TMEM135: variants seen among roughly 807,000 people sequenced by gnomAD.
The protein encoded by TMEM135 is transmembrane protein 135.
TMEM135 carries 30 observed loss-of-function variants against 60.3 expected under a neutral mutation model. The observed-to-expected ratio is 0.50, with a 90% confidence interval of 0.37 to 0.68. The LOEUF (loss-of-function observed/expected upper bound fraction) is 0.68, where lower values mean the gene tolerates loss of function less well. TMEM135 is among the 30% of genes least tolerant of loss of function. The probability of loss-of-function intolerance (pLI) is 0.00; values close to 1 mark genes in which losing one functional copy is unlikely to be tolerated. For missense variants in TMEM135, 468 were observed against 548.8 expected (o/e 0.85, Z 1.47); for synonymous variants, 190 against 186.7 (o/e 1.02, Z -0.14).
intron 5 of TMEM135, among the ~76,000 whole-genome samples, chr11:87,185,574 A>C (rs768988687): frequency 6.6e-6 from 1 of 152,142 alleles, no homozygotes; most frequent in African/African-American, 2.4e-5. Context: ...AGAGACACAT[A>C]ATATCTGGTT....
intron 6 of TMEM135, among the ~76,000 whole-genome samples, chr11:87,251,335 G>T (rs1006968693): frequency 6.6e-6 from 1 of 152,108 alleles, no homozygotes; most frequent in Non-Finnish European, 1.5e-5. Context: ...AGTAGGAAAG[G>T]AGTCAGTAAA....
intron 4 of TMEM135, among the ~76,000 whole-genome samples, chr11:87,141,061 T>C (rs1274887119): frequency 1.3e-5 from 2 of 151,984 alleles, no homozygotes; most frequent in South Asian, 2.1e-4. Flanking sequence ...TTTTTTAACA[T>C]TGTTATGACT....
chr11:87,269,455 A>G (rs542358973), intron 6 of TMEM135, among the ~76,000 whole-genome samples: 4 of 151,906 alleles, frequency 2.6e-5, no homozygotes, highest in South Asian at 2.1e-4. Flanking sequence ...TTAACTTGTC[A>G]TTTAGCATTA....
At chr11:87,038,609 C>CTTTTTTTTTTTTTTTT (rs3045930) in intron 1 of TMEM135, among the ~76,000 whole-genome samples, 6 of 113,926 alleles carry the variant, frequency 5.3e-5, no homozygotes, top group Admixed American at 9.5e-5. Flanking sequence ...TTTTATTTTG[C>CTTTTTTTTTTTTTTTT]TTTTTTTTTT....
chr11:87,157,536 G>A, intron 5 of TMEM135, 130 bp downstream of exon 5: 1 of 770,540 alleles, frequency 1.3e-6, no homozygotes, highest in Non-Finnish European at 2.1e-6. Context: ...ATAATATTGA[G>A]TGTACCTGAT....
intron 3 of TMEM135, among the ~76,000 whole-genome samples, chr11:87,087,436 A>G (rs1466543691): frequency 6.6e-6 from 1 of 152,174 alleles, no homozygotes; most frequent in Non-Finnish European, 1.5e-5. Context: ...AGCTGCAGCC[A>G]GAGATCACTG....
At chr11:87,298,514 C>T (rs1464410950) in intron 7 of TMEM135, among the ~76,000 whole-genome samples, 1 of 152,150 alleles carries the variant, frequency 6.6e-6, no homozygotes, top group Non-Finnish European at 1.5e-5. Context: ...TCAGGCTGGG[C>T]ATGGTAGCTA....
chr11:87,262,392 G>GT (rs1342777978), intron 6 of TMEM135, among the ~76,000 whole-genome samples: 3 of 152,106 alleles, frequency 2.0e-5, no homozygotes, highest in Admixed American at 2.0e-4. Flanking sequence ...CTACATCCTA[G>GT]TTTATGTTGG....
chr11:87,130,778 A>G (rs1937903463), intron 4 of TMEM135, among the ~76,000 whole-genome samples: 1 of 152,222 alleles, frequency 6.6e-6, no homozygotes, highest in Non-Finnish European at 1.5e-5. Context: ...CTGGGTTTAC[A>G]GGAGTGAAAC....
intron 4 of TMEM135, 76 bp downstream of exon 4, chr11:87,091,471 T>C: frequency 5.5e-6 from 8 of 1,448,078 alleles, no homozygotes; most frequent in South Asian, 4.7e-5. Flanking sequence ...TTAAAAAAAG[T>C]AAAAGAGGAA....
intron 3 of TMEM135, among the ~76,000 whole-genome samples, chr11:87,076,878 T>G (rs190625115): frequency 6.6e-6 from 1 of 152,182 alleles, no homozygotes; most frequent in African/African-American, 2.4e-5. Context: ...TGGTCTCTTC[T>G]CCTACTGTGG....
chr11:87,305,914 A>AT, intron 8 of TMEM135, 22 bp from the exon 9 acceptor site: 2 of 1,596,384 alleles, frequency 1.3e-6, no homozygotes, highest in South Asian at 1.1e-5. Flanking sequence ...AATTAGTTTA[A>AT]TTTTTTTGGG....
At chr11:87,227,564 A>G (rs1940790648) in intron 5 of TMEM135, among the ~76,000 whole-genome samples, 1 of 152,154 alleles carries the variant, frequency 6.6e-6, no homozygotes, top group Non-Finnish European at 1.5e-5. Context: ...CTAATTAAAA[A>G]AATGGACTGT....
chr11:87,069,306 A>AAAAAAAG (rs1565427864), intron 2 of TMEM135, among the ~76,000 whole-genome samples: 1 of 151,122 alleles, frequency 6.6e-6, no homozygotes, highest in Non-Finnish European at 1.5e-5. Context: ...AAAAAAAAAA[A>AAAAAAAG]AAGAAGAAGA....
chr11:87,100,329 C>G (rs986192093), intron 4 of TMEM135, among the ~76,000 whole-genome samples: 3 of 152,144 alleles, frequency 2.0e-5, no homozygotes, highest in African/African-American at 7.2e-5. Flanking sequence ...TTTATCTAAA[C>G]AGAGCCATTT....
At chr11:87,170,156 T>C (rs1939193186) in intron 5 of TMEM135, among the ~76,000 whole-genome samples, 1 of 152,188 alleles carries the variant, frequency 6.6e-6, no homozygotes, top group South Asian at 2.1e-4. Flanking sequence ...TTTTCTTCTC[T>C]AAACTGGTTA....
At chr11:87,210,314 C>T (rs910042756) in intron 5 of TMEM135, among the ~76,000 whole-genome samples, 6 of 151,900 alleles carry the variant, frequency 3.9e-5, no homozygotes, top group South Asian at 4.2e-4. Context: ...AAACACAATC[C>T]GAAGTGATGA....
At chr11:87,255,040 T>C (rs989549849) in intron 6 of TMEM135, among the ~76,000 whole-genome samples, 1 of 152,184 alleles carries the variant, frequency 6.6e-6, no homozygotes, top group Non-Finnish European at 1.5e-5. Context: ...AGGATTGGGA[T>C]AATGATTTAA....
At chr11:87,319,490 TAACTA>T in intron 14 of TMEM135, 113 bp downstream of exon 14, 1 of 745,972 alleles carries the variant, frequency 1.3e-6, no homozygotes, top group Non-Finnish European at 2.3e-6. Flanking sequence ...ATGAGTAACT[TAACTA>T]AGAATAACAT....
Sources: gnomAD v4.1 joint callset for allele counts (sites outside exome capture counted in the v4.1 genomes callset) on GRCh38, gnomAD v4.1.1 for gene constraint, MANE v1.5 for transcripts, NCBI Gene and HGNC (gene_info 2026-07-23, HGNC 2026-07-21) for gene names.